Variants in DYNC1I1 observed in about 807,000 individuals in gnomAD.
The protein encoded by DYNC1I1 is dynein cytoplasmic 1 intermediate chain 1, also known as cytoplasmic dynein 1 intermediate chain 1.
Under a neutral mutation model 86.6 loss-of-function variants are expected in DYNC1I1, and 43 were observed. The ratio of observed to expected loss-of-function variants is 0.50; its 90% CI spans 0.39 to 0.64. The LOEUF is 0.64. Among genes scored for constraint, DYNC1I1 ranks in the 30% least tolerant of loss-of-function variants. The pLI, the probability that DYNC1I1 is intolerant of heterozygous loss-of-function variation, is 0.00. For synonymous variants in DYNC1I1, 262 were observed against 283.7 expected, an observed-to-expected ratio of 0.92 and a Z score of 0.77; for missense variants, 604 against 788.8, an observed-to-expected ratio of 0.77 and a Z score of 2.81.
At chr7:95,818,366 A>G in intron 4 of DYNC1I1, 1 of 484,130 alleles carries the variant, frequency 2.1e-6, no homozygotes, top group Non-Finnish European at 3.7e-6. Context: ...TGGTGGCACA[A>G]TCTTAGCTCA....
intron 5 of DYNC1I1, among the ~76,000 whole-genome samples, chr7:95,868,885 G>T (rs1193424716): frequency 6.6e-6 from 1 of 152,094 alleles, no homozygotes; most frequent in Non-Finnish European, 1.5e-5. Context: ...TGGGGCTAGG[G>T]GTTATGTATT....
At chr7:95,889,894 A>T (rs1171863477) in intron 6 of DYNC1I1, among the ~76,000 whole-genome samples, 2 of 152,238 alleles carry the variant, frequency 1.3e-5, no homozygotes, top group Non-Finnish European at 2.9e-5. Flanking sequence ...CCACCATGAG[A>T]TAGCATCTCA....
intron 6 of DYNC1I1, among the ~76,000 whole-genome samples, chr7:95,944,310 C>G (rs1269906073): frequency 6.6e-6 from 1 of 152,164 alleles, no homozygotes. Context: ...AAATGCAAAT[C>G]AAAACCACAA....
intron 5 of DYNC1I1, among the ~76,000 whole-genome samples, chr7:95,865,419 C>CT (rs1240956579): frequency 6.6e-6 from 1 of 152,124 alleles, no homozygotes; most frequent in African/African-American, 2.4e-5. Flanking sequence ...CTTCTCTTCC[C>CT]TTTTTTCCTC....
intron 4 of DYNC1I1, chr7:95,818,471 T>TG: frequency 3.4e-6 from 2 of 590,416 alleles, no homozygotes; most frequent in Non-Finnish European, 2.9e-6. Flanking sequence ...CCAGCTGATT[T>TG]AATTTTTTTT....
chr7:96,049,085 C>T (rs1019724531), intron 14 of DYNC1I1, among the ~76,000 whole-genome samples: 7 of 151,866 alleles, frequency 4.6e-5, no homozygotes, highest in African/African-American at 1.7e-4. Flanking sequence ...CGGTGAAACC[C>T]CGTCTCTACT....
At chr7:95,900,859 C>A (rs1791020190) in intron 6 of DYNC1I1, among the ~76,000 whole-genome samples, 1 of 152,090 alleles carries the variant, frequency 6.6e-6, no homozygotes, top group African/African-American at 2.4e-5. Flanking sequence ...ATGAGTTGCA[C>A]AATACCAAAT....
intron 4 of DYNC1I1, among the ~76,000 whole-genome samples, chr7:95,822,571 C>G (rs2706877): frequency 0.45 from 68,079 of 151,834 alleles, 16,503 homozygotes; most frequent in African/African-American, 0.63. Context: ...CCAATCCAAC[C>G]CTGGGACCAT....
At chr7:96,006,340 G>T (rs1444481171) in intron 10 of DYNC1I1, among the ~76,000 whole-genome samples, 2 of 152,134 alleles carry the variant, frequency 1.3e-5, no homozygotes, top group Non-Finnish European at 2.9e-5. Context: ...TTCACTTTTG[G>T]AGCAGGTGCT....
At chr7:95,868,102 A>G (rs1403428616) in intron 5 of DYNC1I1, among the ~76,000 whole-genome samples, 1 of 152,230 alleles carries the variant, frequency 6.6e-6, no homozygotes, top group Non-Finnish European at 1.5e-5. Flanking sequence ...TGCAAAGCTC[A>G]GCCTGGGCCC....
At chr7:95,950,719 T>A (rs1360746062) in intron 6 of DYNC1I1, among the ~76,000 whole-genome samples, 2 of 152,008 alleles carry the variant, frequency 1.3e-5, no homozygotes, top group Non-Finnish European at 2.9e-5. Context: ...CTGTGGTCAG[T>A]TGGGAAATGG....
chr7:96,038,068 C>T (rs1044732957), intron 13 of DYNC1I1, among the ~76,000 whole-genome samples: 8 of 152,158 alleles, frequency 5.3e-5, no homozygotes, highest in Admixed American at 1.3e-4. Context: ...ATCAGTTCCT[C>T]GGGTTCATTA....
intron 14 of DYNC1I1, among the ~76,000 whole-genome samples, chr7:96,043,562 C>T (rs1027557501): frequency 2.0e-5 from 3 of 146,760 alleles, no homozygotes; most frequent in Non-Finnish European, 4.5e-5. Context: ...CAGAACAAAA[C>T]AAAACTTGGG....
chr7:95,997,026 G>C (rs1181030516), intron 10 of DYNC1I1, among the ~76,000 whole-genome samples: 1 of 152,142 alleles, frequency 6.6e-6, no homozygotes, highest in African/African-American at 2.4e-5. Context: ...AGCATTATCA[G>C]ATATAATTTG....
In DYNC1I1 at chr7:96,020,513, C is replaced by T. The variant is rs1181761135; in HGVS notation, c.970-7662C>T. Among the ~76,000 whole-genome samples the T allele has an allele frequency of 1.3e-5, 2 of 152,150 alleles. 1 individual carries two copies. Reference sequence around the variant, plus strand: ...ATGATCCAGTTACCTCCCACTGGGTCCCTCCCACAACACGTGGAAACTCAA... The same window carrying T: ...ATGATCCAGTTACCTCCCACTGGGTTCCTCCCACAACACGTGGAAACTCAA... On this transcript the variant is annotated intron_variant, in intron 10 of 16. Coordinates refer to ENST00000447467, the MANE Select transcript of DYNC1I1 (RefSeq NM_001135556.2).
At chr7:95,797,134 G>A (rs1173619793) in intron 1 of DYNC1I1, among the ~76,000 whole-genome samples, 1 of 152,090 alleles carries the variant, frequency 6.6e-6, no homozygotes, top group African/African-American at 2.4e-5. Flanking sequence ...ATGGGAACAC[G>A]CAAAGCCTTC....
At chr7:95,938,837 A>G (rs1434325274) in intron 6 of DYNC1I1, among the ~76,000 whole-genome samples, 1 of 152,122 alleles carries the variant, frequency 6.6e-6, no homozygotes, top group Admixed American at 6.5e-5. Flanking sequence ...AATATTAGCA[A>G]TGGATCACCT....
intron 5 of DYNC1I1, among the ~76,000 whole-genome samples, chr7:95,836,719 C>T (rs1009847973): frequency 6.6e-6 from 1 of 152,094 alleles, no homozygotes; most frequent in Non-Finnish European, 1.5e-5. Flanking sequence ...TCATTCATTT[C>T]ATCTTCCATT....
At chr7:95,983,658 A>G (rs1453507228) in intron 7 of DYNC1I1, among the ~76,000 whole-genome samples, 1 of 152,146 alleles carries the variant, frequency 6.6e-6, no homozygotes, top group African/African-American at 2.4e-5. Context: ...TTCATAAAAT[A>G]TTGTGCTACA....
Sources: gnomAD v4.1 joint callset for allele counts (sites outside exome capture counted in the v4.1 genomes callset) on GRCh38, gnomAD v4.1.1 for gene constraint, MANE v1.5 for transcripts, NCBI Gene and HGNC (gene_info 2026-07-23, HGNC 2026-07-21) for gene names.